DNAH5: variants seen among roughly 807,000 people sequenced by gnomAD.
DNAH5 encodes the protein dynein axonemal heavy chain 5, also known as axonemal beta dynein heavy chain 5.
DNAH5 carries 372 observed loss-of-function variants against 518.2 expected under a neutral mutation model. The ratio of observed to expected loss-of-function variants is 0.72; its 90% CI spans 0.66 to 0.78. DNAH5 has a LOEUF of 0.78. Ranked by LOEUF, DNAH5 falls within the 30% of genes least tolerant of loss-of-function variation. DNAH5 has a pLI of 0.00. For missense variants in DNAH5, 5,523 were observed against 5,687.0 expected, an observed-to-expected ratio of 0.97 and a Z score of 0.93; for synonymous variants, 2,039 against 2,025.9, an observed-to-expected ratio of 1.01 and a Z score of -0.17.
intron 53 of DNAH5, 45 bp from the exon 54 acceptor site, chr5:13,777,400 G>A (rs1212573712): frequency 1.3e-6 from 2 of 1,574,524 alleles, no homozygotes; most frequent in Non-Finnish European, 1.7e-6. Context: ...ATATTTTCAT[G>A]AGAGGGAAAG....
chr5:13,753,500 G>A lies in DNAH5; in HGVS notation c.10605C>T (p.Asn3535=). The A allele has an allele frequency of 3.1e-6, 5 of 1,614,004 alleles. No individual in the cohort carries two copies. Among genetic ancestry groups the A allele is most frequent in the Non-Finnish European group, 3.4e-6 (4 of 1,179,964 alleles). The change falls in exon 63 of 79, where the codon AAC becomes AAT. Residue 3535 remains asparagine, a synonymous_variant. Transcript: ENST00000265104. ...TTAACAGAAGATCACGAAACTCTTGGTTAAATGGACCAGAATAAGATAGAA... is the reference window on the plus strand; with the variant it reads ...TTAACAGAAGATCACGAAACTCTTGATTAAATGGACCAGAATAAGATAGAA... The part of the protein sequence containing the change: ...TAFLSYSGPF[N]QEFRDLLLND...
chr5:13,798,648 T>C (rs988507075), intron 47 of DNAH5, among the ~76,000 whole-genome samples: 7 of 149,110 alleles, frequency 4.7e-5, no homozygotes, highest in African/African-American at 1.7e-4. Context: ...TGAGACAAAA[T>C]ATAAGACAAA....
chr5:13,865,647 G>C, intron 27 of DNAH5, 21 bp downstream of exon 27: 1 of 1,425,772 alleles, frequency 7.0e-7, no homozygotes, highest in Non-Finnish European at 9.9e-7. Context: ...TGCTGGGCAT[G>C]CTAAACATTT....
intron 55 of DNAH5, among the ~76,000 whole-genome samples, chr5:13,774,967 G>A (rs1237589492): frequency 6.6e-6 from 1 of 152,080 alleles, no homozygotes; most frequent in Non-Finnish European, 1.5e-5. Flanking sequence ...ATTGATAACT[G>A]TATTTCATAA....
At chr5:13,858,958 A>G (rs1768003482) in intron 30 of DNAH5, among the ~76,000 whole-genome samples, 1 of 152,228 alleles carries the variant, frequency 6.6e-6, no homozygotes, top group East Asian at 1.9e-4. Context: ...GATGATAAAT[A>G]TATACTTGAC....
At chr5:13,747,435 C>T (rs963107367) in intron 65 of DNAH5, among the ~76,000 whole-genome samples, 1 of 152,090 alleles carries the variant, frequency 6.6e-6, no homozygotes, top group Non-Finnish European at 1.5e-5. Flanking sequence ...AATGGTATTT[C>T]TAGTTCTAGA....
chr5:13,930,866 T>C (rs907193592), intron 2 of DNAH5, among the ~76,000 whole-genome samples: 1 of 152,204 alleles, frequency 6.6e-6, no homozygotes, highest in Non-Finnish European at 1.5e-5. Context: ...TGTAGAGAGA[T>C]GCAGACAATG....
chr5:13,944,190 GA>G lies in DNAH5; in HGVS notation c.57+191del, dbSNP rs2152028710. On this transcript the variant is annotated intron_variant, in intron 1 of 78. Transcript: ENST00000265104. Reference sequence around the variant, plus strand: ...GCGGCAACGTGCAGAAAAGCCTACAGATGCAAAATTTTTTTTATTTAAAAAA... The same window carrying G: ...GCGGCAACGTGCAGAAAAGCCTACAGTGCAAAATTTTTTTTATTTAAAAAA... Among the ~76,000 whole-genome samples the G allele has an allele frequency of 2.0e-5, 3 of 152,336 alleles. No individual in the cohort carries two copies. In the South Asian group the frequency reaches 6.2e-4, roughly 32 times the overall value.
At chr5:13,767,486 T>C (rs1035423563) in intron 58 of DNAH5, among the ~76,000 whole-genome samples, 1 of 152,312 alleles carries the variant, frequency 6.6e-6, no homozygotes, top group Non-Finnish European at 1.5e-5. Flanking sequence ...AGGGTGAATG[T>C]GTAGTAGAGA....
chr5:13,852,719 C>T (rs1012319637), intron 30 of DNAH5, among the ~76,000 whole-genome samples: 10 of 145,360 alleles, frequency 6.9e-5, no homozygotes, highest in Admixed American at 1.4e-4. Context: ...CTTGAGTAGG[C>T]GGTTTTTCCC....
At position 13,691,512 on chromosome 5, in the gene DNAH5, G is replaced by T; in HGVS notation, c.*472C>A. On this transcript the variant is annotated 3_prime_UTR_variant, in exon 79 of 79. Transcript: ENST00000265104. Reference sequence around the variant, plus strand: ...ATTTTTTAAAAGGTATTTTTAATTGGCTGCTTGAAACCCTGAAAATAAGTC... The same window carrying T: ...ATTTTTTAAAAGGTATTTTTAATTGTCTGCTTGAAACCCTGAAAATAAGTC... The T allele has an allele frequency of 6.5e-6, 1 of 153,626 alleles. No individual in the cohort carries two copies. The highest frequency in any genetic ancestry group is 1.4e-5 in the Non-Finnish European group (1 of 69,222). 9.5% of individuals were successfully genotyped at this position (153,626 alleles called of 1,614,324 possible). A position where few individuals can be genotyped will look rare whatever the true frequency, so the allele number is the denominator to read the frequency against.
chr5:13,702,272 C>A (rs76628147), intron 76 of DNAH5, among the ~76,000 whole-genome samples: 1 of 152,070 alleles, frequency 6.6e-6, no homozygotes, highest in Non-Finnish European at 1.5e-5. Context: ...ACTTGAATTT[C>A]AAATACCTTA....
rs970684923 is a variant in DNAH5 at position 13,916,387 on chromosome 5, G to A, written c.1158C>T (p.Tyr386=). 3.3e-6 allele frequency: 5 copies of A among 1,533,948 alleles called. No homozygotes were observed. The African/African-American group carries it at 4.1e-5, about 13-fold the overall frequency. The part of the protein sequence containing the change: ...AIKMIYSISH[Y]YNTSEKITSL... ...ATGTGATCTTCTCAGAGGTATTATA[G>A]TAATGAGAGATACTATAGATCATTT... is the stretch of plus-strand genomic sequence containing the variant. The change falls in exon 9 of 79, where the codon TAC becomes TAT. Residue 386 remains tyrosine (Y), a synonymous_variant. Transcript: ENST00000265104.
intron 65 of DNAH5, among the ~76,000 whole-genome samples, chr5:13,739,737 A>G (rs1200027830): frequency 6.6e-6 from 1 of 152,196 alleles, no homozygotes; most frequent in Non-Finnish European, 1.5e-5. Flanking sequence ...AGGAGAGGCC[A>G]GACCCAGCCC....
chr5:13,823,541 T>C (rs1762500077), intron 39 of DNAH5, among the ~76,000 whole-genome samples, 171 bp from the exon 40 acceptor site: 1 of 151,226 alleles, frequency 6.6e-6, no homozygotes, highest in African/African-American at 2.4e-5. Context: ...TCCCATAAAT[T>C]AAAAAAAATA....
At chr5:13,871,133 G>A (rs1259247326) in intron 23 of DNAH5, 131 bp from the exon 24 acceptor site, 6 of 669,798 alleles carry the variant, frequency 9.0e-6, no homozygotes, top group Non-Finnish European at 1.5e-5. Flanking sequence ...AATTGAACTG[G>A]AAAAAATCAT....
At chr5:13,797,845 A>T (rs1758063025) in intron 47 of DNAH5, among the ~76,000 whole-genome samples, 1 of 152,216 alleles carries the variant, frequency 6.6e-6, no homozygotes, top group Admixed American at 6.5e-5. Context: ...AAAATGTGGC[A>T]CATATACACC....
chr5:14,009,195 T>C (rs1048789295), intron 1 of DNAH5, among the ~76,000 whole-genome samples: 4 of 152,308 alleles, frequency 2.6e-5, no homozygotes, highest in African/African-American at 9.6e-5. Flanking sequence ...GAGGTATAAA[T>C]AAACAGCCGC....
upstream of DNAH5, among the ~76,000 whole-genome samples, chr5:13,946,397 G>A (rs534272075): frequency 2.0e-5 from 3 of 152,270 alleles, no homozygotes; most frequent in African/African-American, 4.8e-5. Context: ...GGTAGATGGC[G>A]TCTTAAGGTA....
Sources: gnomAD v4.1 joint callset for allele counts (sites outside exome capture counted in the v4.1 genomes callset) on GRCh38, gnomAD v4.1.1 for gene constraint, MANE v1.5 for transcripts, NCBI Gene and HGNC (gene_info 2026-07-23, HGNC 2026-07-21) for gene names.